Variants in KCNT2 observed in about 807,000 individuals in gnomAD.
KCNT2 encodes potassium channel subfamily T member 2.
Under a neutral mutation model 153.8 loss-of-function variants are expected in KCNT2, and 67 were observed. The ratio of observed to expected loss-of-function variants is 0.44; its 90% CI spans 0.36 to 0.53. The LOEUF (loss-of-function observed/expected upper bound fraction) is 0.53. KCNT2 is among the 20% of genes least tolerant of loss of function. KCNT2 has a pLI of 0.00. For synonymous variants in KCNT2, 500 were observed against 458.8 expected (o/e 1.09, Z -1.15); for missense variants, 975 against 1,354.8 (o/e 0.72, Z 4.40).
chr1:196,345,404 G>A (rs1666054480), intron 14 of KCNT2, among the ~76,000 whole-genome samples: 1 of 152,094 alleles, frequency 6.6e-6, no homozygotes, highest in African/African-American at 2.4e-5. Context: ...GACAGTTAAT[G>A]CTTGATGCGG....
chr1:196,506,972 A>C (rs932487329), intron 1 of KCNT2, among the ~76,000 whole-genome samples: 2 of 152,100 alleles, frequency 1.3e-5, no homozygotes, highest in Non-Finnish European at 2.9e-5. Flanking sequence ...ATGGATCCTT[A>C]AGTTTTATTT....
chr1:196,469,485 A>G (rs1321918668), intron 5 of KCNT2, among the ~76,000 whole-genome samples: 2 of 152,198 alleles, frequency 1.3e-5, no homozygotes, highest in Admixed American at 6.5e-5. Flanking sequence ...GTTAACAATC[A>G]TTGGTATTAA....
chr1:196,370,684 G>T (rs543931217), intron 14 of KCNT2, among the ~76,000 whole-genome samples: 15 of 151,952 alleles, frequency 9.9e-5, no homozygotes, highest in Non-Finnish European at 1.6e-4. Flanking sequence ...GTGACCATAC[G>T]ACCCAGCAAT....
chr1:196,463,905 C>T (rs1038780181), intron 8 of KCNT2, among the ~76,000 whole-genome samples: 1 of 151,722 alleles, frequency 6.6e-6, no homozygotes, highest in Non-Finnish European at 1.5e-5. Context: ...TGCTAAATGT[C>T]ATCATGTAAA....
chr1:196,267,538 C>G (rs1657661258), intron 25 of KCNT2, among the ~76,000 whole-genome samples: 1 of 152,154 alleles, frequency 6.6e-6, no homozygotes, highest in African/African-American at 2.4e-5. Flanking sequence ...ACAGAAGGCT[C>G]TAGAATCTCT....
intron 1 of KCNT2, among the ~76,000 whole-genome samples, chr1:196,496,325 G>A (rs545165670): frequency 1.3e-5 from 2 of 152,006 alleles, no homozygotes; most frequent in African/African-American, 2.4e-5. Context: ...AAAATTAGCC[G>A]GGCATGGTGG....
At chr1:196,490,146 T>G (rs1679746057) in intron 2 of KCNT2, among the ~76,000 whole-genome samples, 1 of 151,860 alleles carries the variant, frequency 6.6e-6, no homozygotes, top group East Asian at 1.9e-4. Flanking sequence ...ACAGAATACT[T>G]GAACTGCAAA....
chr1:196,229,165 T>G (rs147614319), intron 27 of KCNT2, among the ~76,000 whole-genome samples: 29 of 152,212 alleles, frequency 1.9e-4, no homozygotes, highest in African/African-American at 6.7e-4. Flanking sequence ...GAATTATTTA[T>G]AAATGGAAGG....
chr1:196,524,638 A>G (rs1653935040), intron 1 of KCNT2, among the ~76,000 whole-genome samples: 1 of 152,152 alleles, frequency 6.6e-6, no homozygotes, highest in South Asian at 2.1e-4. Context: ...GTTCACACTA[A>G]AGTCATATAT....
chr1:196,421,952 G>A, intron 12 of KCNT2, among the ~76,000 whole-genome samples: 1 of 151,868 alleles, frequency 6.6e-6, no homozygotes, highest in East Asian at 1.9e-4. Context: ...AAGGACACTG[G>A]TCATATTGGA....
intron 23 of KCNT2, among the ~76,000 whole-genome samples, chr1:196,283,060 T>C (rs1007817985): frequency 2.0e-5 from 3 of 152,178 alleles, no homozygotes; most frequent in Non-Finnish European, 4.4e-5. Context: ...GCCATGCTGG[T>C]CTAGAACTCC....
chr1:196,505,945 CTT>C (rs1311620792), intron 1 of KCNT2, among the ~76,000 whole-genome samples: 1 of 152,112 alleles, frequency 6.6e-6, no homozygotes, highest in Non-Finnish European at 1.5e-5. Context: ...TATCCTGAGA[CTT>C]TGCTGAAGTT....
intron 25 of KCNT2, among the ~76,000 whole-genome samples, chr1:196,263,401 C>T (rs185239473): frequency 3.8e-4 from 58 of 152,156 alleles, no homozygotes; most frequent in Admixed American, 7.2e-4. Context: ...AAACCAAACA[C>T]TGCATATTCT....
At chr1:196,532,657 C>T (rs1655095969) in intron 1 of KCNT2, among the ~76,000 whole-genome samples, 2 of 151,756 alleles carry the variant, frequency 1.3e-5, no homozygotes, top group Non-Finnish European at 2.9e-5. Context: ...AATGTATCAC[C>T]AGGAATGAAC....
At chr1:196,583,386 T>A (rs563223715) in intron 1 of KCNT2, among the ~76,000 whole-genome samples, 1 of 152,078 alleles carries the variant, frequency 6.6e-6, no homozygotes, top group Non-Finnish European at 1.5e-5. Context: ...ACACTGTGGA[T>A]TGAAATGTCT....
At chr1:196,530,611 A>G (rs1654811385) in intron 1 of KCNT2, among the ~76,000 whole-genome samples, 1 of 152,074 alleles carries the variant, frequency 6.6e-6, no homozygotes, top group Non-Finnish European at 1.5e-5. Flanking sequence ...AGTTATTAGC[A>G]TTGCTGAAAT....
intron 25 of KCNT2, among the ~76,000 whole-genome samples, chr1:196,271,328 C>A (rs566560003): frequency 9.9e-5 from 15 of 152,088 alleles, no homozygotes; most frequent in Non-Finnish European, 2.1e-4. Flanking sequence ...CTTCAGTTTT[C>A]ATTTTGTAGA....
chr1:196,242,217 G>A (rs931708851), intron 26 of KCNT2, among the ~76,000 whole-genome samples: 2 of 152,052 alleles, frequency 1.3e-5, no homozygotes, highest in Admixed American at 6.6e-5. Context: ...GGAACATAGT[G>A]TACATTTATA....
chr1:196,378,351 TG>T (rs1669149651), intron 13 of KCNT2, among the ~76,000 whole-genome samples: 1 of 152,124 alleles, frequency 6.6e-6, no homozygotes, highest in Admixed American at 6.6e-5. Context: ...ATGTGCATAT[TG>T]CTAGATTATT....
Sources: allele counts gnomAD v4.1 joint callset (sites outside exome capture counted in the v4.1 genomes callset), GRCh38; gene constraint gnomAD v4.1.1; transcripts MANE v1.5; gene names NCBI Gene and HGNC (gene_info 2026-07-23, HGNC 2026-07-21).